Variants in NLRP9 observed in about 807,000 individuals in gnomAD.
NLRP9 encodes the protein NACHT, LRR and PYD domains-containing protein 9.
In NLRP9, 88 loss-of-function variants were observed where a neutral mutation model predicts 83.1. The observed-to-expected ratio is 1.06, with a 90% CI of 0.89 to 1.26. NLRP9 has a LOEUF of 1.26. Among genes scored for constraint, NLRP9 ranks in the 50% most tolerant of loss-of-function variants. The pLI, the probability that NLRP9 is intolerant of heterozygous loss-of-function variation, is 0.00. For synonymous variants in NLRP9, 521 were observed against 447.6 expected (o/e 1.16, Z -2.07); for missense variants, 1,308 against 1,179.3 (o/e 1.11, Z -1.60).
In NLRP9 at chr19:55,733,113, T is replaced by C. The variant is rs779729071; in HGVS notation, c.718A>G (p.Lys240Glu). 6.2e-7 allele frequency: 1 copy of C among 1,614,212 alleles called. No individual in the cohort carries two copies. The highest frequency in any genetic ancestry group is 1.1e-5 in the South Asian group (1 of 91,074). ...FEQLKFNLQL[K>E]ADLSDDWRQR... is the part of the protein sequence containing the mutation. The stretch of plus-strand genomic sequence containing the variant: ...CTCCAATCATCGCTCAAGTCAGCCT[T>C]AAGTTGTAAGTTAAACTTCAGTTGC... The change falls in exon 2 of 9, where the codon AAG becomes GAG. Residue 240 changes from lysine (K) to glutamate (E), a missense_variant. Lys to Glu is a moderately conservative substitution (Grantham distance 56). Coordinates refer to ENST00000332836, the MANE Select transcript of NLRP9 (RefSeq NM_176820.4).
chr19:55,725,816 C>T (rs1600137309), intron 3 of NLRP9, among the ~76,000 whole-genome samples: 1 of 152,156 alleles, frequency 6.6e-6, no homozygotes, highest in East Asian at 1.9e-4. Flanking sequence ...TGCTTGAGCT[C>T]AGGAGTTCAA....
At chr19:55,728,962 T>G (rs1988480826) in intron 3 of NLRP9, among the ~76,000 whole-genome samples, 1 of 152,010 alleles carries the variant, frequency 6.6e-6, no homozygotes, top group Admixed American at 6.6e-5. Flanking sequence ...AAAAACTTTA[T>G]TAGGATTAAA....
chr19:55,728,432 C>T (rs374323969), intron 3 of NLRP9, among the ~76,000 whole-genome samples: 32 of 152,134 alleles, frequency 2.1e-4, no homozygotes, highest in South Asian at 8.3e-4. Flanking sequence ...ACTAGCCAGG[C>T]GTCGTGGTGC....
chr19:55,735,127 G>A (rs909660000), intron 1 of NLRP9, among the ~76,000 whole-genome samples: 18 of 152,168 alleles, frequency 1.2e-4, no homozygotes, highest in Admixed American at 7.9e-4. Flanking sequence ...CGGTTCCACC[G>A]ATGGTCTGTG....
At position 55,734,252 on chromosome 19, in the gene NLRP9, T is replaced by C. The variant is rs1988710693; in HGVS notation, c.281-702A>G. On this transcript the variant is annotated intron_variant, in intron 1 of 8. Transcript: ENST00000332836. ...ACCAGTACGTGCCTGTGGTCCCACC[T>C]ACTCAGGAAGCTGAGGCACAAGAAT... is the stretch of plus-strand genomic sequence containing the variant. Among the ~76,000 whole-genome samples, 3 of 149,728 alleles carry C rather than the reference T, an allele frequency of 2.0e-5. No homozygotes were observed. The Admixed American group carries it at 2.0e-4, about 10-fold the overall frequency.
At chr19:55,737,734 T>TA (rs57736610) in intron 1 of NLRP9, 4,138 of 80,226 alleles carry the variant, frequency 0.052, 239 homozygotes, top group Non-Finnish European at 0.073. Flanking sequence ...ACCCTTTCTC[T>TA]AAAAAAAAAA....
In NLRP9 at chr19:55,715,121, TC is replaced by T. The variant is rs1276907442; in HGVS notation, c.2434del (p.Glu812LysfsTer12). On this transcript the variant is annotated frameshift_variant, in exon 6 of 9. Transcript: ENST00000332836. LOFTEE classifies it high-confidence loss of function. ...ACACAGAGATGCCACTCCATTATCT[TC>T]CAGGGCATTTGAGCCCAGATCGAGG... Reference protein sequence around the residue: ...SLLDLGSNALEDNGVASLCAA... With the variant: ...SLLDLGSNALXDNGVASLCAA... 1 of 1,613,184 alleles carries T rather than the reference TC, an allele frequency of 6.2e-7. No individual in the cohort carries two copies. Among genetic ancestry groups the T allele is most frequent in the Admixed American group, 1.7e-5 (1 of 59,976 alleles).
In NLRP9 at chr19:55,732,735, A is replaced by T; in HGVS notation, c.1096T>A (p.Tyr366Asn). The T allele has an allele frequency of 6.2e-7, 1 of 1,614,140 alleles. No homozygotes were observed. The highest frequency in any genetic ancestry group is 8.5e-7 in the Non-Finnish European group (1 of 1,179,990). The stretch of plus-strand genomic sequence containing the variant: ...GTTGTTAAAAAGGATGCATATAAAT[A>T]GGTGGTGTTTTGGGAGTTTATTTCA... The part of the protein sequence containing the change: ...DLEINSQNTT[Y>N]LYASFLTTVF... Residue 366 changes from tyrosine (Y) to asparagine (N), a missense_variant, in exon 2 of 9, where the codon TAT (tyrosine) becomes AAT (asparagine). Physicochemically the swap from Tyr to Asn is moderately radical, Grantham distance 143 (BLOSUM62 -2). Coordinates refer to ENST00000332836, the MANE Select transcript of NLRP9 (RefSeq NM_176820.4).
rs767442466 is a variant in NLRP9 at position 55,709,050 on chromosome 19, AAAATAG to A, written c.2844-12_2844-7del. The A allele has an allele frequency of 2.1e-5, 32 of 1,556,492 alleles. No homozygotes were observed. Among genetic ancestry groups the A allele is most frequent in the African/African-American group, 4.2e-5 (3 of 70,920 alleles). On this transcript the variant is annotated splice_region_variant and splice_polypyrimidine_tract_variant and intron_variant, in intron 8 of 8. Transcript: ENST00000332836. ...CAAAGCCAGATTTGTGCAGCCTGGG[AAAATAG>A]AAATAAAGTTTTTTTTTTTGTTTTT... is the stretch of plus-strand genomic sequence containing the variant.
chr19:55,727,773 G>A (rs1250246844), intron 3 of NLRP9, among the ~76,000 whole-genome samples: 1 of 152,124 alleles, frequency 6.6e-6, no homozygotes, highest in Non-Finnish European at 1.5e-5. Flanking sequence ...GGATGTGAGG[G>A]TAAACGCATC....
chr19:55,712,273 C>G, intron 7 of NLRP9, 147 bp downstream of exon 7: 2 of 722,818 alleles, frequency 2.8e-6, no homozygotes, highest in Non-Finnish European at 2.2e-6. Context: ...CAAGACTGAG[C>G]AAACCCTGGG....
At chr19:55,712,345 T>G in intron 7 of NLRP9, 75 bp downstream of exon 7, 1 of 1,294,548 alleles carries the variant, frequency 7.7e-7, no homozygotes, top group South Asian at 1.3e-5. Flanking sequence ...CTCCCTTCCA[T>G]TCTATTGACC....
At chr19:55,727,532 T>C (rs1988437866) in intron 3 of NLRP9, among the ~76,000 whole-genome samples, 1 of 152,184 alleles carries the variant, frequency 6.6e-6, no homozygotes, top group African/African-American at 2.4e-5. Flanking sequence ...CTTGCTAGTA[T>C]CCCTCACATA....
At chr19:55,719,341 C>A (rs955012017) in intron 4 of NLRP9, among the ~76,000 whole-genome samples, 6 of 152,064 alleles carry the variant, frequency 3.9e-5, no homozygotes, top group Non-Finnish European at 5.9e-5. Flanking sequence ...TTAGTAGAGA[C>A]GGGGTTTCAC....
At chr19:55,711,304 T>G (rs1987713143) in intron 8 of NLRP9, 1 of 933,826 alleles carries the variant, frequency 1.1e-6, no homozygotes, top group Middle Eastern at 3.2e-4. Context: ...AAAATTAACA[T>G]AAAAAATTCA....
At chr19:55,722,696 A>G (rs1988266749) in intron 4 of NLRP9, among the ~76,000 whole-genome samples, 1 of 152,188 alleles carries the variant, frequency 6.6e-6, no homozygotes. Context: ...ATACATGCAC[A>G]TGTATGTTTA....
At chr19:55,733,976 G>A (rs1988697544) in intron 1 of NLRP9, among the ~76,000 whole-genome samples, 1 of 140,124 alleles carries the variant, frequency 7.1e-6, no homozygotes, top group Non-Finnish European at 1.5e-5. Flanking sequence ...AGGCTGGAGT[G>A]CAGTGGCGGG....
At chr19:55,711,734 G>A in intron 8 of NLRP9, 66 bp downstream of exon 8, 1 of 1,511,334 alleles carries the variant, frequency 6.6e-7, no homozygotes, top group Non-Finnish European at 9.1e-7. Flanking sequence ...TCGCGGTTGA[G>A]CAAATGGCCA....
chr19:55,733,098 C>A lies in NLRP9; in HGVS notation c.733G>T (p.Asp245Tyr), dbSNP rs200751354. ...ATTGGCTGCCGCTGCCTCCAATCAT[C>A]GCTCAAGTCAGCCTTAAGTTGTAAG... ...FNLQLKADLS[D>Y]DWRQRQPMPI... Residue 245 changes from aspartate (D) to tyrosine (Y), a missense_variant, in exon 2 of 9, where the codon GAT becomes TAT. Coordinates refer to ENST00000332836, the MANE Select transcript of NLRP9 (RefSeq NM_176820.4). 1.9e-6 allele frequency: 3 copies of A among 1,613,924 alleles called. No individual in the cohort carries two copies. The highest frequency in any genetic ancestry group is 2.5e-6 in the Non-Finnish European group (3 of 1,179,960).
Sources: allele counts gnomAD v4.1 joint callset (sites outside exome capture counted in the v4.1 genomes callset), GRCh38; gene constraint gnomAD v4.1.1; transcripts MANE v1.5; gene names NCBI Gene and HGNC (gene_info 2026-07-23, HGNC 2026-07-21).